WNT5B: variants seen among roughly 807,000 people sequenced by gnomAD.
WNT5B encodes the protein Wnt family member 5B.
A neutral mutation model predicts 36.5 loss-of-function variants in WNT5B; 18 were observed. That is an observed-to-expected ratio of 0.49 (90% CI 0.34 to 0.73). The LOEUF is 0.73. Among genes scored for constraint, WNT5B ranks in the 30% least tolerant of loss-of-function variants. The probability of loss-of-function intolerance (pLI) is 0.01; values close to 1 mark genes in which losing one functional copy is unlikely to be tolerated. For synonymous variants in WNT5B, 213 were observed against 212.3 expected (o/e 1.00, Z -0.03); for missense variants, 424 against 508.4 (o/e 0.83, Z 1.60).
At chr12:1,619,743 C>T (rs1315176632) in intron 1 of WNT5B, among the ~76,000 whole-genome samples, 1 of 152,050 alleles carries the variant, frequency 6.6e-6, no homozygotes. Flanking sequence ...CGGCTCCTGG[C>T]GTAGCGGCTG....
Position 1,630,080 on chromosome 12 carries a change from C to A in WNT5B, c.-58+709C>A. On this transcript the variant is annotated intron_variant, in intron 1 of 4. Transcript: ENST00000397196. This position sits in a 1 kb window ranked among gnomAD's most constrained non-coding sequence, Gnocchi z 5.3. Reference sequence around the variant, plus strand: ...CCAGCTCTCCTGGACCCTGCTCGGGCCACTGTCCTCTCCTGGCGGCCCCAG... The same window carrying A: ...CCAGCTCTCCTGGACCCTGCTCGGGACACTGTCCTCTCCTGGCGGCCCCAG... 1.0e-6 allele frequency: 1 copy of A among 966,702 alleles called. No individual in the cohort carries two copies. The highest frequency in any genetic ancestry group is 1.2e-6 in the Non-Finnish European group (1 of 812,892). 59.9% of individuals were successfully genotyped at this position (966,702 alleles called of 1,614,324 possible). A position where few individuals can be genotyped will look rare whatever the true frequency, so the allele number is the denominator to read the frequency against.
intron 3 of WNT5B, 52 bp from the exon 4 acceptor site, chr12:1,639,632 G>A (rs2094570142): frequency 3.7e-5 from 53 of 1,442,832 alleles, no homozygotes; most frequent in Non-Finnish European, 4.6e-5. Flanking sequence ...GGAAGGACAG[G>A]TCCCCGGGAG....
At chr12:1,641,905 T>C (rs2094576082) in intron 4 of WNT5B, among the ~76,000 whole-genome samples, 1 of 152,230 alleles carries the variant, frequency 6.6e-6, no homozygotes, top group South Asian at 2.1e-4. Flanking sequence ...GGGGATGTTG[T>C]AGTATTGGCC....
chr12:1,617,309 T>TAA (rs1555156188), intron 1 of WNT5B, among the ~76,000 whole-genome samples: 33 of 49,422 alleles, frequency 6.7e-4, no homozygotes, highest in East Asian at 4.3e-3. Flanking sequence ...ATGTAATATA[T>TAA]AAAATATATA....
rs1014493700 is a variant in WNT5B at position 1,632,214 on chromosome 12, T to G, written c.81-444T>G. Among the ~76,000 whole-genome samples, 2 of 152,222 alleles carry G rather than the reference T, an allele frequency of 1.3e-5. No individual in the cohort carries two copies. The highest frequency in any genetic ancestry group is 4.8e-5 in the African/African-American group (2 of 41,452). ...ACTTGGGCTGCACTGAACTAGTCAC[T>G]CCTACTCATTGAATGAGGCCTGTGC... On this transcript the variant is annotated intron_variant, in intron 2 of 4. Transcript: ENST00000397196. The surrounding 1 kb of genome is among the most constrained non-coding windows in gnomAD (Gnocchi z 5.8).
At position 1,633,405 on chromosome 12, in the gene WNT5B, C is replaced by T. The variant is rs2094554729; in HGVS notation, c.328+500C>T. ...GTTGATAGCTGTCACTAACCCAACC[C>T]CATCCAGTCCCAGCTTTTTCTTTTG... On this transcript the variant is annotated intron_variant, in intron 3 of 4. Coordinates refer to ENST00000397196, the MANE Select transcript of WNT5B (RefSeq NM_032642.3). This position sits in a 1 kb window ranked among gnomAD's most constrained non-coding sequence, Gnocchi z 4.8. Among the ~76,000 whole-genome samples, 1 of 152,124 alleles carries T rather than the reference C, an allele frequency of 6.6e-6. No individual in the cohort carries two copies. Among genetic ancestry groups the T allele is most frequent in the Non-Finnish European group, 1.5e-5 (1 of 68,026 alleles).
intron 4 of WNT5B, among the ~76,000 whole-genome samples, chr12:1,643,879 T>C (rs766154700): frequency 2.6e-5 from 4 of 151,842 alleles, no homozygotes; most frequent in Non-Finnish European, 5.9e-5. Context: ...ATCTCTACAA[T>C]GTCTTTGAAT....
At position 1,630,648 on chromosome 12, in the gene WNT5B, C is replaced by T. The variant is rs747506302; in HGVS notation, c.-57-650C>T. Among the ~76,000 whole-genome samples the T allele has an allele frequency of 1.3e-5, 2 of 152,220 alleles. No individual in the cohort carries two copies. Among genetic ancestry groups the T allele is most frequent in the Non-Finnish European group, 2.9e-5 (2 of 68,038 alleles). ...CACCACCTCAGCCGCCAGAGCTTTCCGGGCGGGCGGTTCGCGGCGTGGCTT... is the reference window on the plus strand; with the variant it reads ...CACCACCTCAGCCGCCAGAGCTTTCTGGGCGGGCGGTTCGCGGCGTGGCTT... On this transcript the variant is annotated intron_variant, in intron 1 of 4. Coordinates refer to ENST00000397196, the MANE Select transcript of WNT5B (RefSeq NM_032642.3). The surrounding 1 kb of genome is among the most constrained non-coding windows in gnomAD (Gnocchi z 5.3).
upstream of WNT5B, among the ~76,000 whole-genome samples, chr12:1,625,253 T>C (rs2094539472): frequency 6.6e-6 from 1 of 152,162 alleles, no homozygotes; most frequent in Non-Finnish European, 1.5e-5. Context: ...GGAAAACTGG[T>C]ATTGTGTCTA....
chr12:1,645,660 C>T, intron 4 of WNT5B, 134 bp from the exon 5 acceptor site: 1 of 784,086 alleles, frequency 1.3e-6, no homozygotes, highest in Non-Finnish European at 2.0e-6. Context: ...AAGATCTTTG[C>T]ATGCATTTGA....
At chr12:1,623,544 G>T (rs368792730) in intron 1 of WNT5B, among the ~76,000 whole-genome samples, 1 of 152,014 alleles carries the variant, frequency 6.6e-6, no homozygotes, top group East Asian at 1.9e-4. Flanking sequence ...TCTAAGCTTT[G>T]AACAGAGCTC....
intron 3 of WNT5B, among the ~76,000 whole-genome samples, chr12:1,638,473 T>G (rs1427600733): frequency 6.6e-6 from 1 of 152,210 alleles, no homozygotes; most frequent in Non-Finnish European, 1.5e-5. Context: ...GGTTCTGGTT[T>G]TTCCGTGTTC....
rs981630408 is a variant in WNT5B, at chr12:1,618,874, G to A, written c.-58+1731G>A. On this transcript the variant is annotated intron_variant, in intron 1 of 4. Transcript: ENST00000310594. This position sits in a 1 kb window ranked among gnomAD's most constrained non-coding sequence, Gnocchi z 4.1. ...CACACTGCTCCAGGCACCAGGAGTTGGAAGCTGGAAGCTCTATTCTCTGGA... is the reference window on the plus strand; with the variant it reads ...CACACTGCTCCAGGCACCAGGAGTTAGAAGCTGGAAGCTCTATTCTCTGGA... Among the ~76,000 whole-genome samples, 1 of 152,138 alleles carries A rather than the reference G, an allele frequency of 6.6e-6. No homozygotes were observed. Among genetic ancestry groups the A allele is most frequent in the Non-Finnish European group, 1.5e-5 (1 of 68,020 alleles).
At chr12:1,638,810 C>T (rs1350992286) in intron 3 of WNT5B, among the ~76,000 whole-genome samples, 2 of 152,174 alleles carry the variant, frequency 1.3e-5, no homozygotes, top group African/African-American at 4.8e-5. Flanking sequence ...TTTTTCTAGA[C>T]ATTGTAATTC....
intron 1 of WNT5B, among the ~76,000 whole-genome samples, chr12:1,623,396 C>T (rs990147789): frequency 2.1e-4 from 32 of 151,494 alleles, no homozygotes; most frequent in African/African-American, 5.8e-4. Context: ...GAGGTTTCAC[C>T]GTGTTAGCCA....
chr12:1,642,278 G>T (rs1297487469), intron 4 of WNT5B, among the ~76,000 whole-genome samples: 2 of 152,156 alleles, frequency 1.3e-5, no homozygotes, highest in Non-Finnish European at 2.9e-5. Flanking sequence ...GTCAATGAAG[G>T]GGTTAAGATC....
intron 1 of WNT5B, among the ~76,000 whole-genome samples, chr12:1,623,144 C>G (rs61914760): frequency 0.06 from 8,652 of 144,890 alleles, 308 homozygotes; most frequent in Non-Finnish European, 0.082. Context: ...GGAGTTATGA[C>G]TCATCCTTTA....
chr12:1,640,159 C>T (rs565188672), intron 4 of WNT5B, among the ~76,000 whole-genome samples, 183 bp downstream of exon 4: 1 of 152,328 alleles, frequency 6.6e-6, no homozygotes, highest in Admixed American at 6.5e-5. Flanking sequence ...TGCCCCACTT[C>T]CCAATGGGCA....
At chr12:1,643,419 C>A (rs1187654949) in intron 4 of WNT5B, among the ~76,000 whole-genome samples, 1 of 152,048 alleles carries the variant, frequency 6.6e-6, no homozygotes, top group Non-Finnish European at 1.5e-5. Context: ...GGCTGGAGTG[C>A]AATGGCGCGA....
Sources: gnomAD v4.1 joint callset for allele counts (sites outside exome capture counted in the v4.1 genomes callset) on GRCh38, gnomAD v4.1.1 for gene constraint, Gnocchi (gnomAD v3.1) non-coding constraint, MANE v1.5 for transcripts, NCBI Gene and HGNC (gene_info 2026-07-23, HGNC 2026-07-21) for gene names.